NOL4: variants seen among roughly 807,000 people sequenced by gnomAD.
The protein encoded by NOL4 is cancer/testis antigen 125.
Under a neutral mutation model 75.9 loss-of-function variants are expected in NOL4, and 17 were observed. The ratio of observed to expected loss-of-function variants is 0.22; its 90% CI spans 0.15 to 0.34. The LOEUF (loss-of-function observed/expected upper bound fraction) is 0.34, where lower values mean the gene tolerates loss of function less well. Among genes scored for constraint, NOL4 ranks in the 10% least tolerant of loss-of-function variants. The pLI is 1.00. For synonymous variants in NOL4, 292 were observed against 289.9 expected, an observed-to-expected ratio of 1.01 and a Z score of -0.07; for missense variants, 614 against 793.5, an observed-to-expected ratio of 0.77 and a Z score of 2.72.
chr18:34,087,935 T>C (rs777481501), intron 5 of NOL4, among the ~76,000 whole-genome samples: 1 of 152,024 alleles, frequency 6.6e-6, no homozygotes, highest in Non-Finnish European at 1.5e-5. Flanking sequence ...TATAGCTGAT[T>C]AAGCTGACAT....
chr18:34,155,441 T>G (rs925021760), intron 1 of NOL4, among the ~76,000 whole-genome samples: 4 of 151,976 alleles, frequency 2.6e-5, no homozygotes, highest in African/African-American at 4.8e-5. Flanking sequence ...AGTCATGCAT[T>G]GCTTAATGAG....
intron 10 of NOL4, among the ~76,000 whole-genome samples, chr18:33,876,658 G>C (rs1196733861): frequency 6.6e-6 from 1 of 152,074 alleles, no homozygotes; most frequent in Non-Finnish European, 1.5e-5. Flanking sequence ...ATGAAGAAAT[G>C]ATAGATATGA....
chr18:33,887,915 C>T (rs150465549), intron 9 of NOL4, among the ~76,000 whole-genome samples: 2,530 of 152,108 alleles, frequency 0.017, 62 homozygotes, highest in African/African-American at 0.057. Flanking sequence ...CATGATTTAT[C>T]ATCCTTTGGG....
At chr18:33,909,900 A>T (rs545667739) in intron 9 of NOL4, among the ~76,000 whole-genome samples, 70 of 152,274 alleles carry the variant, frequency 4.6e-4, no homozygotes, top group African/African-American at 1.6e-3. Flanking sequence ...ATGTAAACTA[A>T]TGATTGGGGA....
At chr18:34,209,724 A>C (rs529410575) in intron 1 of NOL4, among the ~76,000 whole-genome samples, 9 of 152,332 alleles carry the variant, frequency 5.9e-5, no homozygotes, top group African/African-American at 2.2e-4. Flanking sequence ...AGAACTGCTA[A>C]ATAGTGCCAT....
chr18:33,862,111 A>T (rs1189530401), intron 10 of NOL4, among the ~76,000 whole-genome samples: 3 of 152,102 alleles, frequency 2.0e-5, no homozygotes, highest in African/African-American at 7.2e-5. Context: ...TCAGAAATAA[A>T]GCCACATATC....
At chr18:34,219,826 C>T (rs1447175122) in intron 1 of NOL4, among the ~76,000 whole-genome samples, 2 of 152,198 alleles carry the variant, frequency 1.3e-5, no homozygotes, top group South Asian at 2.1e-4. Context: ...CAGGCGGGCT[C>T]GCAAAAGCAC....
chr18:33,942,952 ATC>A lies in NOL4; in HGVS notation c.1542+111_1542+112del, dbSNP rs1599958921. The stretch of plus-strand genomic sequence containing the variant: ...CATATCATAAGGACACAAAAACTAT[ATC>A]TCTGTGTACTTTAAATCCATTCAAG... On this transcript the variant is annotated intron_variant, in intron 9 of 10. Transcript: ENST00000261592. 7 of 679,690 alleles carry A rather than the reference ATC, an allele frequency of 1.0e-5. No individual in the cohort carries two copies. The South Asian group carries it at 1.4e-4, about 13-fold the overall frequency. 42.1% of individuals were successfully genotyped at this position (679,690 alleles called of 1,614,324 possible). A position where few individuals can be genotyped will look rare whatever the true frequency, so the allele number is the denominator to read the frequency against.
intron 9 of NOL4, 143 bp downstream of exon 9, chr18:33,942,922 A>T: frequency 1.7e-6 from 1 of 579,276 alleles, no homozygotes; most frequent in Non-Finnish European, 3.0e-6. Context: ...TTTCAAGTTT[A>T]AATTCATATC....
chr18:34,009,966 GTAT>G (rs1361986265), intron 6 of NOL4, among the ~76,000 whole-genome samples: 1 of 151,830 alleles, frequency 6.6e-6, no homozygotes, highest in African/African-American at 2.4e-5. Flanking sequence ...CTGGCACATA[GTAT>G]ACAAGTACTC....
chr18:34,088,688 A>G (rs930781479), intron 5 of NOL4, among the ~76,000 whole-genome samples: 9 of 152,138 alleles, frequency 5.9e-5, no homozygotes, highest in Non-Finnish European at 1.2e-4. Context: ...AAATGATTTT[A>G]ACTTAAAAAC....
chr18:33,932,710 T>A (rs992187013), intron 9 of NOL4, among the ~76,000 whole-genome samples: 1 of 152,090 alleles, frequency 6.6e-6, no homozygotes, highest in Non-Finnish European at 1.5e-5. Flanking sequence ...AATGAAAATA[T>A]TTTTAAAGTA....
At chr18:34,113,102 T>C (rs1217354168) in intron 2 of NOL4, among the ~76,000 whole-genome samples, 3 of 152,104 alleles carry the variant, frequency 2.0e-5, no homozygotes, top group African/African-American at 2.4e-5. Context: ...CCCAATTAGC[T>C]AGGACTACAG....
At chr18:34,134,499 G>C (rs976143382) in intron 1 of NOL4, among the ~76,000 whole-genome samples, 4 of 137,542 alleles carry the variant, frequency 2.9e-5, no homozygotes, top group South Asian at 2.4e-4. Context: ...CACACACATT[G>C]ATGAAGCAAA....
chr18:33,939,170 G>C (rs1272025021), intron 9 of NOL4, among the ~76,000 whole-genome samples: 2 of 152,028 alleles, frequency 1.3e-5, no homozygotes, highest in African/African-American at 4.8e-5. Flanking sequence ...TGCTCTTTTG[G>C]TTACTGTAGC....
chr18:34,074,382 T>C (rs1379890085), intron 5 of NOL4, among the ~76,000 whole-genome samples: 2 of 151,834 alleles, frequency 1.3e-5, no homozygotes, highest in Non-Finnish European at 3.0e-5. Context: ...GATAACACTC[T>C]TCATATTGTT....
chr18:34,137,818 A>G (rs903047898), intron 1 of NOL4, among the ~76,000 whole-genome samples: 4 of 151,840 alleles, frequency 2.6e-5, no homozygotes, highest in Admixed American at 6.6e-5. Context: ...ACGCACGCAC[A>G]CATACACACA....
chr18:34,010,421 T>C (rs1206184794), intron 6 of NOL4, among the ~76,000 whole-genome samples: 1 of 151,898 alleles, frequency 6.6e-6, no homozygotes, highest in African/African-American at 2.4e-5. Flanking sequence ...CTTCGGTTGA[T>C]TCCAAATCTT....
At chr18:34,222,307 G>A (rs2037373872) in intron 1 of NOL4, 3 of 1,316,236 alleles carry the variant, frequency 2.3e-6, no homozygotes, top group African/African-American at 1.5e-5. Context: ...TTCTAGCTGC[G>A]GCTTTATTTG....
Sources: allele counts gnomAD v4.1 joint callset (sites outside exome capture counted in the v4.1 genomes callset), GRCh38; gene constraint gnomAD v4.1.1; transcripts MANE v1.5; gene names NCBI Gene and HGNC (gene_info 2026-07-23, HGNC 2026-07-21).